Variants in LPIN2 observed in about 807,000 individuals in gnomAD.
The protein encoded by LPIN2 is phosphatidate phosphatase LPIN2.
A neutral mutation model predicts 111.4 loss-of-function variants in LPIN2; 55 were observed. The observed-to-expected ratio is 0.49, with a 90% confidence interval of 0.40 to 0.62. The LOEUF (loss-of-function observed/expected upper bound fraction) is 0.62. Among genes scored for constraint, LPIN2 ranks in the 20% least tolerant of loss-of-function variants. The pLI is 0.00. For synonymous variants in LPIN2, 425 were observed against 414.0 expected (o/e 1.03, Z -0.32); for missense variants, 992 against 1,112.1 (o/e 0.89, Z 1.54).
At chr18:3,005,179 G>A (rs1224738999) in intron 1 of LPIN2, among the ~76,000 whole-genome samples, 1 of 151,754 alleles carries the variant, frequency 6.6e-6, no homozygotes, top group Admixed American at 6.6e-5. Flanking sequence ...GTGAAACCCT[G>A]TCTCTACTAA....
chr18:3,011,639 A>G (rs1305941028), intron 1 of LPIN2: 2 of 152,266 alleles, frequency 1.3e-5, no homozygotes, highest in African/African-American at 4.8e-5. Flanking sequence ...GTGATCGGAG[A>G]TCGCGCAACT....
chr18:3,010,146 C>T (rs921513707), intron 1 of LPIN2, among the ~76,000 whole-genome samples: 1 of 152,200 alleles, frequency 6.6e-6, no homozygotes, highest in African/African-American at 2.4e-5. Flanking sequence ...AACTCCCTCA[C>T]GCTTGTCTTG....
Position 2,985,403 on chromosome 18 carries a change from T to C in LPIN2, c.-9-24554A>G, listed in dbSNP as rs2078173423. 2 of 152,180 alleles carry C rather than the reference T, an allele frequency of 1.3e-5. 1 individual carries two copies. Among genetic ancestry groups the C allele is most frequent in the South Asian group, 4.1e-4 (2 of 4,832 alleles). The allele number at this position is 152,180 out of a possible 1,614,324, so 9.4% of individuals were successfully genotyped here. A position where few individuals can be genotyped will look rare whatever the true frequency, so the allele number is the denominator to read the frequency against. On this transcript the variant is annotated intron_variant, in intron 1 of 19. Coordinates refer to ENST00000677752, the MANE Select transcript of LPIN2 (RefSeq NM_001375808.2). The stretch of plus-strand genomic sequence containing the variant: ...GGCTAAAATAAAAATAAATGACTAC[T>C]GAAAAAAGCTACTTTTTACTTTTGT...
intron 4 of LPIN2, among the ~76,000 whole-genome samples, chr18:2,944,779 T>C (rs969059682): frequency 2.6e-5 from 4 of 152,218 alleles, no homozygotes; most frequent in Admixed American, 6.5e-5. Context: ...CAATTAGTCA[T>C]AACACCATAC....
At chr18:2,930,573 T>A (rs1275652050) in intron 9 of LPIN2, among the ~76,000 whole-genome samples, 1 of 151,938 alleles carries the variant, frequency 6.6e-6, no homozygotes, top group Non-Finnish European at 1.5e-5. Context: ...GGAAAGAAAA[T>A]TTTCCCTTAG....
chr18:2,950,115 A>G (rs2077511781), intron 4 of LPIN2: 1 of 152,240 alleles, frequency 6.6e-6, no homozygotes, highest in African/African-American at 2.4e-5. Context: ...AAAAAACAAA[A>G]CAAAACAAAG....
intron 6 of LPIN2, 122 bp downstream of exon 6, chr18:2,939,358 G>A: frequency 8.7e-7 from 1 of 1,148,912 alleles, no homozygotes; most frequent in Non-Finnish European, 1.3e-6. Context: ...TATGACATGA[G>A]GGCACTATCA....
rs1406163712 is a variant in LPIN2 at position 3,009,269 on chromosome 18, C to T, written c.-10+3818G>A. Reference sequence around the variant, plus strand: ...AAAAAATTAGCCAGGTGTGGTGGCACGTGCCTGTAGTCCCAGCTACTCAGG... The same window carrying T: ...AAAAAATTAGCCAGGTGTGGTGGCATGTGCCTGTAGTCCCAGCTACTCAGG... On this transcript the variant is annotated intron_variant, in intron 1 of 19. Coordinates refer to ENST00000677752, the MANE Select transcript of LPIN2 (RefSeq NM_001375808.2). 2.0e-5 allele frequency among the ~76,000 whole-genome samples: 3 copies of T among 151,518 alleles called. No homozygotes were observed. In the South Asian group the frequency reaches 6.3e-4, roughly 32 times the overall value.
chr18:2,982,630 C>A, intron 1 of LPIN2: 1 of 999,558 alleles, frequency 1.0e-6, no homozygotes, highest in African/African-American at 1.7e-5. Flanking sequence ...ATTGAGCAAG[C>A]AGCGAAGGGA....
chr18:2,979,969 TCTG>T, intron 1 of LPIN2, among the ~76,000 whole-genome samples: 1 of 152,302 alleles, frequency 6.6e-6, no homozygotes, highest in East Asian at 1.9e-4. Context: ...TGCAGCTACT[TCTG>T]CTGCGCTTAA....
At chr18:2,963,049 G>C (rs1219963792) in intron 1 of LPIN2, among the ~76,000 whole-genome samples, 1 of 152,174 alleles carries the variant, frequency 6.6e-6, no homozygotes, top group Non-Finnish European at 1.5e-5. Context: ...GTAAATGCCA[G>C]TTGCTAAATG....
chr18:2,999,475 G>A (rs988508858), intron 1 of LPIN2, among the ~76,000 whole-genome samples: 1 of 152,006 alleles, frequency 6.6e-6, no homozygotes, highest in Non-Finnish European at 1.5e-5. Flanking sequence ...CGCGGTTGCA[G>A]GCGCCTGTAG....
At chr18:2,988,235 A>G (rs543155938) in intron 1 of LPIN2, among the ~76,000 whole-genome samples, 71 of 152,244 alleles carry the variant, frequency 4.7e-4, no homozygotes, top group African/African-American at 1.7e-3. Context: ...TTTCCCCATC[A>G]GAATGTACAA....
At chr18:3,007,817 A>G (rs1360615311) in intron 1 of LPIN2, among the ~76,000 whole-genome samples, 1 of 152,232 alleles carries the variant, frequency 6.6e-6, no homozygotes, top group Non-Finnish European at 1.5e-5. Flanking sequence ...CAAAACATAT[A>G]ATCAAATGAT....
intron 1 of LPIN2, among the ~76,000 whole-genome samples, chr18:2,984,157 G>A (rs1355968197): frequency 6.6e-6 from 1 of 152,092 alleles, no homozygotes; most frequent in Non-Finnish European, 1.5e-5. Flanking sequence ...TATCACCAAG[G>A]TTCATATAAT....
In LPIN2 at chr18:2,960,720, C is replaced by G. The variant is rs1179090563; in HGVS notation, c.121G>C (p.Gly41Arg). 8.1e-6 allele frequency: 13 copies of G among 1,614,084 alleles called. No individual in the cohort carries two copies. The highest frequency in any genetic ancestry group is 1.3e-5 in the African/African-American group (1 of 74,996). ...TGAAAAGGTGAACACTGATAGCTGC[C>G]ATCCTGCTGCTGTACCACGATGACA... ...IDVIVVQQQD[G>R]SYQCSPFHVR... Residue 41 changes from glycine (G) to arginine (R), a missense_variant, in exon 2 of 20, where the codon GGC becomes CGC. This residue lies in a region of LPIN2 where 67 missense variants were observed against 112.1 expected (regional missense o/e 0.60). Transcript: ENST00000677752.
intron 1 of LPIN2, among the ~76,000 whole-genome samples, chr18:2,992,356 T>C (rs1031433224): frequency 3.9e-5 from 6 of 152,212 alleles, no homozygotes; most frequent in Non-Finnish European, 5.9e-5. Flanking sequence ...GTGAAATATC[T>C]AGAATAGGCA....
rs8091401 is a variant in LPIN2, at chr18:2,917,800, G to C, written c.*2493C>G. On this transcript the variant is annotated 3_prime_UTR_variant, in exon 20 of 20. Coordinates refer to ENST00000677752, the MANE Select transcript of LPIN2 (RefSeq NM_001375808.2). ...TACGAGACTTAGACTGAACTGCAAAGAGGGAAAGGGCCATTTCACCAATGG... is the reference window on the plus strand; with the variant it reads ...TACGAGACTTAGACTGAACTGCAAACAGGGAAAGGGCCATTTCACCAATGG... 13,304 of 152,138 alleles carry C rather than the reference G, an allele frequency of 0.087. 731 individuals carry two copies. Among genetic ancestry groups the C allele is most frequent in the African/African-American group, 0.14 (5,745 of 41,470 alleles). The allele number at this position is 152,138 out of a possible 1,614,324, so 9.4% of individuals were successfully genotyped here.
intron 1 of LPIN2, among the ~76,000 whole-genome samples, chr18:2,970,342 C>G (rs943576568): frequency 1.3e-5 from 2 of 152,210 alleles, no homozygotes; most frequent in Non-Finnish European, 2.9e-5. Context: ...TATCTGCTGG[C>G]TGACAGGGGT....
Sources: allele counts gnomAD v4.1 joint callset (sites outside exome capture counted in the v4.1 genomes callset), GRCh38; gene constraint gnomAD v4.1.1; regional missense constraint gnomAD v4.1.1; transcripts MANE v1.5; gene names NCBI Gene and HGNC (gene_info 2026-07-23, HGNC 2026-07-21).